ERN1: variants seen among roughly 807,000 people sequenced by gnomAD.
ERN1 encodes the protein serine/threonine-protein kinase/endoribonuclease IRE1.
A neutral mutation model predicts 113.1 loss-of-function variants in ERN1; 39 were observed. The observed-to-expected ratio is 0.34, with a 90% CI of 0.27 to 0.45. ERN1 has a LOEUF of 0.45. Ranked by LOEUF, ERN1 falls within the 20% of genes least tolerant of loss-of-function variation. The pLI is 1.00. For synonymous variants in ERN1, 507 were observed against 515.9 expected (o/e 0.98, Z 0.23); for missense variants, 976 against 1,274.8 (o/e 0.77, Z 3.57).
chr17:64,125,137 T>C (rs1415802121), intron 1 of ERN1, among the ~76,000 whole-genome samples: 1 of 152,254 alleles, frequency 6.6e-6, no homozygotes, highest in African/African-American at 2.4e-5. Flanking sequence ...AGGTGAATTA[T>C]ATCTCAATAA....
rs777335129 is a variant in ERN1, at chr17:64,063,833, G to GA, written c.1087+152_1087+153insT. ...GCTACCTTGTTGATTTTCCTTGGGG[G>GA]TAAAAATGTCCCAAGGTCTCAGGGG... is the stretch of plus-strand genomic sequence containing the variant. On this transcript the variant is annotated intron_variant, in intron 10 of 21. Coordinates refer to ENST00000433197, the MANE Select transcript of ERN1 (RefSeq NM_001433.5). The surrounding 1 kb of genome is among the most constrained non-coding windows in gnomAD (Gnocchi z 5.1). Among the ~76,000 whole-genome samples, 1 of 152,134 alleles carries GA rather than the reference G, an allele frequency of 6.6e-6. No homozygotes were observed. Among genetic ancestry groups the GA allele is most frequent in the Non-Finnish European group, 1.5e-5 (1 of 68,016 alleles).
At chr17:64,117,879 C>G (rs1162863717) in intron 1 of ERN1, among the ~76,000 whole-genome samples, 1 of 152,200 alleles carries the variant, frequency 6.6e-6, no homozygotes, top group African/African-American at 2.4e-5. Flanking sequence ...TGTTGTCTAT[C>G]CCAACCAACT....
Position 64,063,126 on chromosome 17 carries a change from C to G in ERN1, c.1087+860G>C, listed in dbSNP as rs1451375082. 1.3e-5 allele frequency among the ~76,000 whole-genome samples: 2 copies of G among 152,212 alleles called. No individual in the cohort carries two copies. Among genetic ancestry groups the G allele is most frequent in the East Asian group, 1.9e-4 (1 of 5,204 alleles). On this transcript the variant is annotated intron_variant, in intron 10 of 21. Coordinates refer to ENST00000433197, the MANE Select transcript of ERN1 (RefSeq NM_001433.5). The surrounding 1 kb of genome is among the most constrained non-coding windows in gnomAD (Gnocchi z 5.1). ...ACCAGCAAGCACGACAGGAAGAGAACAGAGAGAAGAAACTGCACCGGCCCC... is the reference window on the plus strand; with the variant it reads ...ACCAGCAAGCACGACAGGAAGAGAAGAGAGAGAAGAAACTGCACCGGCCCC...
chr17:64,128,569 C>T (rs1915143915), intron 1 of ERN1, among the ~76,000 whole-genome samples: 1 of 152,140 alleles, frequency 6.6e-6, no homozygotes, highest in Non-Finnish European at 1.5e-5. Context: ...ATACACCTAT[C>T]CCTTGACGTT....
intron 1 of ERN1, among the ~76,000 whole-genome samples, chr17:64,125,454 AC>A (rs1162968953): frequency 6.6e-6 from 1 of 152,106 alleles, no homozygotes; most frequent in Non-Finnish European, 1.5e-5. Context: ...CCAGTCCCCA[AC>A]CCACGGCTGG....
At chr17:64,081,303 G>A (rs772217918) in intron 2 of ERN1, among the ~76,000 whole-genome samples, 2 of 152,114 alleles carry the variant, frequency 1.3e-5, no homozygotes, top group African/African-American at 2.4e-5. Flanking sequence ...TCTTTGGAGC[G>A]GCAATTCTAG....
intron 1 of ERN1, among the ~76,000 whole-genome samples, chr17:64,123,315 T>C (rs1046102426): frequency 2.0e-5 from 3 of 152,196 alleles, no homozygotes; most frequent in Non-Finnish European, 4.4e-5. Context: ...CCTAGAAAGT[T>C]GATCTGAAAC....
In ERN1 at chr17:64,098,045, C is replaced by T. The variant is rs1160964967; in HGVS notation, c.175+76G>A. ...TTTATTAGATAATGAGTAATGTTTTCTCTTTCTCCAGAATATGTTTCTGTG... is the reference window on the plus strand; with the variant it reads ...TTTATTAGATAATGAGTAATGTTTTTTCTTTCTCCAGAATATGTTTCTGTG... On this transcript the variant is annotated intron_variant, in intron 2 of 21. Coordinates refer to ENST00000433197, the MANE Select transcript of ERN1 (RefSeq NM_001433.5). 9.0e-6 allele frequency: 14 copies of T among 1,549,184 alleles called. No individual in the cohort carries two copies. The Admixed American group carries it at 1.2e-4, about 14-fold the overall frequency.
intron 4 of ERN1, among the ~76,000 whole-genome samples, chr17:64,076,604 CT>C (rs5821421): frequency 0.95 from 133,619 of 141,140 alleles, 63,486 homozygotes; most frequent in East Asian, 0.99. Context: ...AGGGCATCCT[CT>C]TTTTTTTTTT....
At chr17:64,108,256 G>T (rs1914582502) in intron 1 of ERN1, among the ~76,000 whole-genome samples, 1 of 151,850 alleles carries the variant, frequency 6.6e-6, no homozygotes, top group African/African-American at 2.4e-5. Flanking sequence ...GAATGCAAAG[G>T]TATGCTAATT....
At chr17:64,084,913 C>T (rs1319230516) in intron 2 of ERN1, among the ~76,000 whole-genome samples, 1 of 152,198 alleles carries the variant, frequency 6.6e-6, no homozygotes, top group East Asian at 1.9e-4. Context: ...TCAACTGTTG[C>T]CACCTCAGAG....
In ERN1 at chr17:64,054,921, T is replaced by A; in HGVS notation, c.1673-93A>T. ...AGTGACAAGCTTCCTGACCTCAGAT[T>A]AAAAGATGGGATTTAAGAGGCACTG... On this transcript the variant is annotated intron_variant, in intron 13 of 21. Transcript: ENST00000433197. This position sits in a 1 kb window ranked among gnomAD's most constrained non-coding sequence, Gnocchi z 4.9. 3 of 988,838 alleles carry A rather than the reference T, an allele frequency of 3.0e-6. No homozygotes were observed. The highest frequency in any genetic ancestry group is 4.5e-6 in the Non-Finnish European group (3 of 664,198). The allele number at this position is 988,838 out of a possible 1,614,324, so 61.3% of individuals were successfully genotyped here.
chr17:64,047,354 G>A (rs958927242), intron 19 of ERN1, among the ~76,000 whole-genome samples: 2 of 152,004 alleles, frequency 1.3e-5, no homozygotes, highest in Admixed American at 6.6e-5. Context: ...GGAGTGAAAC[G>A]CTGTCTCAAA....
At chr17:64,092,060 G>C (rs2069683939) in intron 2 of ERN1, among the ~76,000 whole-genome samples, 2 of 152,140 alleles carry the variant, frequency 1.3e-5, no homozygotes, top group African/African-American at 4.8e-5. Context: ...GGGTGTATCT[G>C]AGGGCAGTGT....
chr17:64,076,470 T>C (rs1277885407), intron 4 of ERN1, among the ~76,000 whole-genome samples: 1 of 152,250 alleles, frequency 6.6e-6, no homozygotes, highest in African/African-American at 2.4e-5. Context: ...CTTCTAGTCT[T>C]CTGGAGTCCT....
chr17:64,113,320 T>C (rs1914721033), intron 1 of ERN1, among the ~76,000 whole-genome samples: 1 of 152,224 alleles, frequency 6.6e-6, no homozygotes, highest in Non-Finnish European at 1.5e-5. Context: ...AGGATGAGGT[T>C]AAAAACATTT....
At chr17:64,051,583 A>G (rs1912685572) in intron 17 of ERN1, among the ~76,000 whole-genome samples, 1 of 152,258 alleles carries the variant, frequency 6.6e-6, no homozygotes, top group South Asian at 2.1e-4. Flanking sequence ...CAACGCTGTC[A>G]TGAGGAAAAA....
chr17:64,121,292 T>G (rs1914948114), intron 1 of ERN1, among the ~76,000 whole-genome samples: 1 of 152,164 alleles, frequency 6.6e-6, no homozygotes, highest in East Asian at 1.9e-4. Flanking sequence ...GAGTTCTATC[T>G]TTTCAGGACT....
intron 11 of ERN1, among the ~76,000 whole-genome samples, chr17:64,059,444 C>A (rs531644510): frequency 1.3e-5 from 2 of 152,154 alleles, no homozygotes; most frequent in African/African-American, 4.8e-5. Context: ...AGGCCTGAAT[C>A]GGTCACTAAG....
Sources: gnomAD v4.1 joint callset for allele counts (sites outside exome capture counted in the v4.1 genomes callset) on GRCh38, gnomAD v4.1.1 for gene constraint, Gnocchi (gnomAD v3.1) non-coding constraint, MANE v1.5 for transcripts, NCBI Gene and HGNC (gene_info 2026-07-23, HGNC 2026-07-21) for gene names.